IGSF22: variants seen among roughly 807,000 people sequenced by gnomAD.
IGSF22 encodes the protein immunoglobulin superfamily member 22.
Under a neutral mutation model 127.0 loss-of-function variants are expected in IGSF22, and 119 were observed. The ratio of observed to expected loss-of-function variants is 0.94; its 90% CI spans 0.81 to 1.09. IGSF22 has a LOEUF of 1.09. IGSF22 is among the 50% of genes least tolerant of loss of function. The pLI is 0.00. For missense variants in IGSF22, 1,518 were observed against 1,716.6 expected, an observed-to-expected ratio of 0.88 and a Z score of 2.04; for synonymous variants, 568 against 664.7, an observed-to-expected ratio of 0.85 and a Z score of 2.24.
In IGSF22 at chr11:18,721,909, C is replaced by T. The variant is rs750131053; in HGVS notation, c.241+1G>A. 1 of 1,612,762 alleles carries T rather than the reference C, an allele frequency of 6.2e-7. No homozygotes were observed. The highest frequency in any genetic ancestry group is 8.5e-7 in the Non-Finnish European group (1 of 1,180,040). The stretch of plus-strand genomic sequence containing the variant: ...CCGGTGAGCCACAGGCAGCAACACA[C>T]CCTCGGGCGCGGTGACCGGTTGAGG... On this transcript the variant is annotated splice_donor_variant, in intron 3 of 22. Coordinates refer to ENST00000513874, the MANE Select transcript of IGSF22 (RefSeq NM_173588.4). LOFTEE classifies it high-confidence loss of function.
chr11:18,708,090 C>T lies in IGSF22; in HGVS notation c.3088-94G>A, dbSNP rs576747496. On this transcript the variant is annotated intron_variant, in intron 19 of 22. Coordinates refer to ENST00000513874, the MANE Select transcript of IGSF22 (RefSeq NM_173588.4). Reference sequence around the variant, plus strand: ...GTCGAGGAGTTTCCTGCCAGGCTGTCGCACTAGGGGTCTGGTGAGGGGCAG... The same window carrying T: ...GTCGAGGAGTTTCCTGCCAGGCTGTTGCACTAGGGGTCTGGTGAGGGGCAG... 6.4e-4 allele frequency: 983 copies of T among 1,542,962 alleles called. 1 individual carries two copies. Among genetic ancestry groups the T allele is most frequent in the Non-Finnish European group, 8.3e-4 (927 of 1,122,366 alleles).
rs368458889 is a variant in IGSF22, at chr11:18,710,402, C to T, written c.2626G>A (p.Val876Ile). The change falls in exon 17 of 23, where the codon GTT (valine) becomes ATT (isoleucine). Residue 876 changes from valine (V) to isoleucine (I), a missense_variant. Around this residue, in one of 3 missense-constraint regions of IGSF22, gnomAD observed 1,456 missense variants for 1,644.9 expected, o/e 0.89. Transcript: ENST00000513874. ...GGGCCTGCCTTATTTACAGCTATAACTCGGAATTCATATTCTGTGTCCTCC... is the reference window on the plus strand; with the variant it reads ...GGGCCTGCCTTATTTACAGCTATAATTCGGAATTCATATTCTGTGTCCTCC... ...LLEDTEYEFR[V>I]IAVNKAGPGQ... The T allele has an allele frequency of 1.4e-5, 22 of 1,614,102 alleles. No homozygotes were observed. Among genetic ancestry groups the T allele is most frequent in the Admixed American group, 3.3e-5 (2 of 60,008 alleles).
chr11:18,713,791 C>A lies in IGSF22; in HGVS notation c.2095+61G>T, dbSNP rs1030073197. 5.9e-6 allele frequency: 8 copies of A among 1,353,714 alleles called. No individual in the cohort carries two copies. The South Asian group carries it at 1.1e-4, about 18-fold the overall frequency. 83.9% of individuals were successfully genotyped at this position (1,353,714 alleles called of 1,614,324 possible). On this transcript the variant is annotated intron_variant, in intron 14 of 22. Coordinates refer to ENST00000513874, the MANE Select transcript of IGSF22 (RefSeq NM_173588.4). Reference sequence around the variant, plus strand: ...GGCCTCCTACTCAGCCTGCCTTCTGCCCTGAGTCTGGGCAGCAGGTGCCCT... The same window carrying A: ...GGCCTCCTACTCAGCCTGCCTTCTGACCTGAGTCTGGGCAGCAGGTGCCCT...
At position 18,719,868 on chromosome 11, in the gene IGSF22, G is replaced by C. The variant is rs756960686; in HGVS notation, c.544C>G (p.Gln182Glu). The C allele has an allele frequency of 3.1e-5, 50 of 1,614,012 alleles. No individual in the cohort carries two copies. The highest frequency in any genetic ancestry group is 1.6e-4 in the Middle Eastern group (1 of 6,084). Residue 182 changes from glutamine (Q) to glutamate (E), a missense_variant, in exon 7 of 23, where the codon CAG (glutamine) becomes GAG (glutamate). Coordinates refer to ENST00000513874, the MANE Select transcript of IGSF22 (RefSeq NM_173588.4). ...KRAPPAPKKK[Q>E]KKVANEKEML... The stretch of plus-strand genomic sequence containing the variant: ...TCTTTCTCATTTGCCACCTTCTTCT[G>C]CTTCTTCTTGGGAGCAGGGGGTGCC...
At chr11:18,711,467 G>A (rs1335646340) in intron 15 of IGSF22, among the ~76,000 whole-genome samples, 1 of 152,108 alleles carries the variant, frequency 6.6e-6, no homozygotes, top group Admixed American at 6.5e-5. Context: ...GCATGATCTC[G>A]GCTCATTGCA....
rs1564874320 is a variant in IGSF22 at position 18,718,028 on chromosome 11, C to CT, written c.875dup (p.Tyr293ValfsTer6). On this transcript the variant is annotated frameshift_variant, in exon 9 of 23. Transcript: ENST00000513874. LOFTEE classifies it high-confidence loss of function. Reference sequence around the variant, plus strand: ...TCACGTTGCTAATAACCAGCATGTACTTGGTGCCCATCTGCTTCACATCGT... The same window carrying CT: ...TCACGTTGCTAATAACCAGCATGTACTTTGGTGCCCATCTGCTTCACATCGT... 6.2e-7 allele frequency: 1 copy of CT among 1,614,230 alleles called. No homozygotes were observed. Among genetic ancestry groups the CT allele is most frequent in the Non-Finnish European group, 8.5e-7 (1 of 1,180,048 alleles).
Position 18,720,199 on chromosome 11 carries a change from C to T in IGSF22, c.465G>A (p.Leu155=). ...DHADAIYTVS[L]LVTEGQEKMD... is the part of the protein sequence containing the mutation. ...GGGCCAACTCACCTTCTGTTACCAG[C>T]AGAGATACGGTATAGATGGCATCTG... Residue 155 remains leucine, a synonymous_variant, in exon 5 of 23, where the codon CTG becomes CTA. Coordinates refer to ENST00000513874, the MANE Select transcript of IGSF22 (RefSeq NM_173588.4). The T allele has an allele frequency of 6.2e-7, 1 of 1,614,110 alleles. No individual in the cohort carries two copies. Among genetic ancestry groups the T allele is most frequent in the Non-Finnish European group, 8.5e-7 (1 of 1,179,972 alleles).
At position 18,716,740 on chromosome 11, in the gene IGSF22, G is replaced by A; in HGVS notation, c.1234C>T (p.Leu412Phe). 2.5e-6 allele frequency: 4 copies of A among 1,614,088 alleles called. No individual in the cohort carries two copies. Among genetic ancestry groups the A allele is most frequent in the South Asian group, 2.2e-5 (2 of 91,086 alleles). ...CCCAACCACTCACGGTCAACAGTGA[G>A]CTGGGCCTTTTGTACCAGGTTCCCC... ...EAGNLVQKAQ[L>F]TVDRIPIKFV... The change falls in exon 10 of 23, where the codon CTC (leucine) becomes TTC (phenylalanine). Residue 412 changes from leucine (L) to phenylalanine (F), a missense_variant. Physicochemically the swap from Leu to Phe is conservative, Grantham distance 22. Coordinates refer to ENST00000513874, the MANE Select transcript of IGSF22 (RefSeq NM_173588.4). The surrounding 1 kb of genome is among the most constrained non-coding windows in gnomAD (Gnocchi z 4.5).
chr11:18,704,791 T>C (rs1202714782), intron 22 of IGSF22: 1 of 432,670 alleles, frequency 2.3e-6, no homozygotes, highest in African/African-American at 2.0e-5. Context: ...ACAGGCTCAA[T>C]GAGGTAGCTT....
In IGSF22 at chr11:18,706,110, T is replaced by C; in HGVS notation, c.3617A>G (p.Lys1206Arg). ...GCGCGGCGCGTGGCGCCAGTCCTTC[T>C]TCTCGTAGGGCTTGAGCTTGGCGCT... Reference protein sequence around the residue: ...DLSAKLKPYEKKDWRHAPRFV... With the variant: ...DLSAKLKPYERKDWRHAPRFV... Residue 1206 changes from lysine (K) to arginine (R), a missense_variant, in exon 22 of 23, where the codon AAG becomes AGG. Physicochemically the swap from Lys to Arg is conservative, Grantham distance 26. This residue lies in a region of IGSF22 where 1,456 missense variants were observed against 1,644.9 expected (regional missense o/e 0.89). Transcript: ENST00000513874. 1.3e-6 allele frequency: 2 copies of C among 1,545,966 alleles called. No individual in the cohort carries two copies. The highest frequency in any genetic ancestry group is 2.4e-5 in the South Asian group (2 of 84,018).
intron 2 of IGSF22, 99 bp from the exon 3 acceptor site, chr11:18,722,140 C>G (rs1390899787): frequency 7.0e-7 from 1 of 1,438,374 alleles, no homozygotes; most frequent in Non-Finnish European, 9.6e-7. Flanking sequence ...AGCATGGGAA[C>G]AAAGAGCATT....
chr11:18,724,060 C>T (rs1236199221), intron 2 of IGSF22, 68 bp downstream of exon 2: 43 of 1,339,822 alleles, frequency 3.2e-5, no homozygotes, highest in Non-Finnish European at 4.5e-5. Context: ...CTGGGGCCAC[C>T]CAAGGGATGG....
intron 2 of IGSF22, among the ~76,000 whole-genome samples, chr11:18,722,550 G>T (rs2134169899): frequency 6.6e-6 from 1 of 152,260 alleles, no homozygotes; most frequent in South Asian, 2.1e-4. Context: ...CACTCCAGTG[G>T]AGCTATATAT....
chr11:18,720,950 A>C (rs935065932), intron 4 of IGSF22, among the ~76,000 whole-genome samples: 2 of 152,198 alleles, frequency 1.3e-5, no homozygotes, highest in African/African-American at 4.8e-5. Context: ...TTATAGGATC[A>C]TAAGTAATTA....
At chr11:18,713,408 C>A (rs1848394202) in intron 14 of IGSF22, among the ~76,000 whole-genome samples, 1 of 152,174 alleles carries the variant, frequency 6.6e-6, no homozygotes, top group African/African-American at 2.4e-5. Flanking sequence ...CCGCCTTGGA[C>A]CCCCAAAGTG....
Position 18,717,216 on chromosome 11 carries a change from G to A in IGSF22, c.974-216C>T, listed in dbSNP as rs189912869. Among the ~76,000 whole-genome samples, 13 of 152,274 alleles carry A rather than the reference G, an allele frequency of 8.5e-5. No individual in the cohort carries two copies. In the East Asian group the frequency reaches 2.3e-3, roughly 27 times the overall value. On this transcript the variant is annotated intron_variant, in intron 9 of 22. Coordinates refer to ENST00000513874, the MANE Select transcript of IGSF22 (RefSeq NM_173588.4). Reference sequence around the variant, plus strand: ...AGTAATGGTAACAGCAATTTTAAAAGCACTTATGTGGTTTTAGATATGTTC... The same window carrying A: ...AGTAATGGTAACAGCAATTTTAAAAACACTTATGTGGTTTTAGATATGTTC...
rs935715973 is a variant in IGSF22, at chr11:18,707,729, C to T, written c.3280+75G>A. 5.4e-6 allele frequency: 7 copies of T among 1,290,280 alleles called. No homozygotes were observed. The Admixed American group carries it at 1.3e-4, about 23-fold the overall frequency. 79.9% of individuals were successfully genotyped at this position (1,290,280 alleles called of 1,614,324 possible). On this transcript the variant is annotated intron_variant, in intron 20 of 22. Transcript: ENST00000513874. ...GCATGACTTTCCTGTGGTAGGAACT[C>T]AAGCGGCACTGGGGAGCTGTGCTTT...
chr11:18,718,561 G>C (rs1480437806), intron 8 of IGSF22, 54 bp downstream of exon 8: 21 of 949,356 alleles, frequency 2.2e-5, no homozygotes, highest in Middle Eastern at 2.1e-4. Flanking sequence ...GTGAGAGAAG[G>C]GGGTAGAGAG....
intron 20 of IGSF22, 30 bp downstream of exon 20, chr11:18,707,774 G>T (rs1296868066): frequency 3.9e-6 from 6 of 1,540,070 alleles, no homozygotes; most frequent in Admixed American, 2.0e-5. Flanking sequence ...ACAGGGATGG[G>T]TCTTGGAGGC....
Sources: allele counts gnomAD v4.1 joint callset (sites outside exome capture counted in the v4.1 genomes callset), GRCh38; gene constraint gnomAD v4.1.1; regional missense constraint gnomAD v4.1.1; non-coding constraint Gnocchi (gnomAD v3.1); transcripts MANE v1.5; gene names NCBI Gene and HGNC (gene_info 2026-07-23, HGNC 2026-07-21).